The following PCSK5 variants were observed in gnomAD, a reference collection of about 807,000 sequenced individuals.
PCSK5 encodes proprotein convertase subtilisin/kexin type 5.
Under a neutral mutation model 233.2 loss-of-function variants are expected in PCSK5, and 129 were observed. The observed-to-expected ratio is 0.55, with a 90% confidence interval of 0.48 to 0.64. The LOEUF is 0.64. Ranked by LOEUF, PCSK5 falls within the 30% of genes least tolerant of loss-of-function variation. The probability of loss-of-function intolerance (pLI) is 0.00; values close to 1 mark genes in which losing one functional copy is unlikely to be tolerated. For synonymous variants in PCSK5, 825 were observed against 879.2 expected, an observed-to-expected ratio of 0.94 and a Z score of 1.09; for missense variants, 2,076 against 2,430.1, an observed-to-expected ratio of 0.85 and a Z score of 3.06.
At chr9:76,201,018 C>G (rs916038977) in intron 20 of PCSK5, among the ~76,000 whole-genome samples, 2 of 152,228 alleles carry the variant, frequency 1.3e-5, no homozygotes, top group Non-Finnish European at 2.9e-5. Flanking sequence ...TCCCCAGGCA[C>G]TGATGGCTGT....
chr9:76,359,835 A>G lies in PCSK5; in HGVS notation c.*913A>G, dbSNP rs1052755522. On this transcript the variant is annotated 3_prime_UTR_variant, in exon 38 of 38. Coordinates refer to ENST00000674117, the MANE Select transcript of PCSK5 (RefSeq NM_001372043.1). Reference sequence around the variant, plus strand: ...CAGAGCTTTCCTTCATCAACAACCCATCACAAAACCGTGGACTCTCAATAG... The same window carrying G: ...CAGAGCTTTCCTTCATCAACAACCCGTCACAAAACCGTGGACTCTCAATAG... The G allele has an allele frequency of 6.6e-6, 1 of 152,218 alleles. No homozygotes were observed. Among genetic ancestry groups the G allele is most frequent in the Admixed American group, 6.5e-5 (1 of 15,282 alleles). The allele number at this position is 152,218 out of a possible 1,614,324, so 9.4% of individuals were successfully genotyped here. A position where few individuals can be genotyped will look rare whatever the true frequency, so the allele number is the denominator to read the frequency against.
chr9:76,130,222 G>A (rs1189900094), intron 9 of PCSK5, among the ~76,000 whole-genome samples: 1 of 152,094 alleles, frequency 6.6e-6, no homozygotes, highest in Non-Finnish European at 1.5e-5. Context: ...TGAATGCTAT[G>A]GTAAACAAAA....
intron 1 of PCSK5, among the ~76,000 whole-genome samples, chr9:75,922,006 G>T (rs1334193999): frequency 1.3e-5 from 2 of 152,126 alleles, no homozygotes; most frequent in Admixed American, 6.5e-5. Flanking sequence ...ACACCAAGGG[G>T]TTGGCAGAAT....
chr9:76,196,964 G>T (rs1824730403), intron 20 of PCSK5, among the ~76,000 whole-genome samples: 1 of 152,138 alleles, frequency 6.6e-6, no homozygotes, highest in Non-Finnish European at 1.5e-5. Context: ...TTCAGAACAG[G>T]CAGAGATTCC....
chr9:75,933,076 C>T (rs986856150), intron 2 of PCSK5, among the ~76,000 whole-genome samples: 19 of 152,052 alleles, frequency 1.2e-4, no homozygotes, highest in African/African-American at 4.6e-4. Flanking sequence ...TTCCAGACGA[C>T]GTACCCCTGG....
chr9:76,299,569 G>A (rs1000121293), intron 27 of PCSK5, among the ~76,000 whole-genome samples: 7 of 152,156 alleles, frequency 4.6e-5, no homozygotes, highest in Non-Finnish European at 8.8e-5. Flanking sequence ...CTACTCAGGA[G>A]GCTGAGGTGC....
intron 1 of PCSK5, among the ~76,000 whole-genome samples, chr9:75,892,442 G>T (rs1394511474): frequency 6.6e-6 from 1 of 152,224 alleles, no homozygotes; most frequent in Non-Finnish European, 1.5e-5. Flanking sequence ...TGGCCGGAGG[G>T]GCGGGCCCTG....
At position 76,323,217 on chromosome 9, in the gene PCSK5, T is replaced by C. The variant is rs1158484864; in HGVS notation, c.4268T>C (p.Leu1423Pro). 6.2e-7 allele frequency: 1 copy of C among 1,612,798 alleles called. No individual in the cohort carries two copies. Residue 1423 changes from leucine (L) to proline (P), a missense_variant, in exon 32 of 38, where the codon CTC becomes CCC. Coordinates refer to ENST00000674117, the MANE Select transcript of PCSK5 (RefSeq NM_001372043.1). The stretch of plus-strand genomic sequence containing the variant: ...CTCTGTCTTGAGAGTTCCTGGGTCC[T>C]CTATGATGGACTGTGCTTGGAGGAG... ...CELCLESSWV[L>P]YDGLCLEECP...
chr9:76,056,359 C>T lies in PCSK5; in HGVS notation c.633-11596C>T, dbSNP rs75322009. ...TCAAATAAGTTAATGTTTCCATCCA[C>T]ATTAACAGATACGGAAGAAAAAAAG... On this transcript the variant is annotated intron_variant, in intron 5 of 37. Coordinates refer to ENST00000674117, the MANE Select transcript of PCSK5 (RefSeq NM_001372043.1). 4.6e-3 allele frequency among the ~76,000 whole-genome samples: 702 copies of T among 152,156 alleles called. 4 individuals carry two copies. Among genetic ancestry groups the T allele is most frequent in the Non-Finnish European group, 6.2e-3 (419 of 68,026 alleles).
chr9:76,216,873 C>T (rs929814821), intron 20 of PCSK5, among the ~76,000 whole-genome samples: 6 of 152,174 alleles, frequency 3.9e-5, no homozygotes, highest in East Asian at 3.8e-4. Flanking sequence ...GATGGCGTCT[C>T]GCTGTCACCC....
At chr9:75,943,649 C>T (rs1045889371) in intron 2 of PCSK5, among the ~76,000 whole-genome samples, 6 of 152,186 alleles carry the variant, frequency 3.9e-5, no homozygotes, top group Non-Finnish European at 7.3e-5. Flanking sequence ...TTCCTACTGT[C>T]ATTCCTGTAG....
chr9:76,027,478 A>G (rs1828478248), intron 5 of PCSK5, among the ~76,000 whole-genome samples: 1 of 152,152 alleles, frequency 6.6e-6, no homozygotes, highest in South Asian at 2.1e-4. Flanking sequence ...TCTCCTCTGT[A>G]GTTATTGTGT....
rs575418335 is a variant in PCSK5, at chr9:75,912,998, C to G, written c.193-19381C>G. ...TCTTCTTACTTAACCTTTTCTTTCT[C>G]TGATCCTCAGCTCCCTGACTCAGGT... On this transcript the variant is annotated intron_variant, in intron 1 of 37. Coordinates refer to ENST00000674117, the MANE Select transcript of PCSK5 (RefSeq NM_001372043.1). Among the ~76,000 whole-genome samples, 3 of 152,318 alleles carry G rather than the reference C, an allele frequency of 2.0e-5. No individual in the cohort carries two copies. The South Asian group carries it at 6.2e-4, about 32-fold the overall frequency.
At chr9:76,298,429 G>A (rs977995334) in intron 27 of PCSK5, among the ~76,000 whole-genome samples, 1 of 152,160 alleles carries the variant, frequency 6.6e-6, no homozygotes, top group African/African-American at 2.4e-5. Context: ...TCAAGTCAAC[G>A]ACAGAGCTGT....
intron 5 of PCSK5, among the ~76,000 whole-genome samples, chr9:76,064,228 G>A (rs1830168433): frequency 1.8e-5 from 2 of 113,680 alleles, no homozygotes; most frequent in African/African-American, 4.5e-5. Context: ...TGGCCGGGTG[G>A]GGGGCTGACC....
At chr9:76,296,575 A>G in intron 26 of PCSK5, 90 bp from the exon 27 acceptor site, 3 of 752,828 alleles carry the variant, frequency 4.0e-6, no homozygotes, top group Non-Finnish European at 6.8e-6. Context: ...GCAAAGAAAA[A>G]TGTCCCTAAA....
At chr9:75,896,137 ACT>A (rs1825791972) in intron 1 of PCSK5, among the ~76,000 whole-genome samples, 1 of 152,062 alleles carries the variant, frequency 6.6e-6, no homozygotes, top group African/African-American at 2.4e-5. Flanking sequence ...CCTGCTAGCC[ACT>A]CTCATATGCA....
rs188543518 is a variant in PCSK5, at chr9:76,170,463, T to C, written c.1756+623T>C. On this transcript the variant is annotated intron_variant, in intron 13 of 37. Coordinates refer to ENST00000674117, the MANE Select transcript of PCSK5 (RefSeq NM_001372043.1). ...CTATTCCCGTCTTCATGCTAACCTGTAAAGCTTGTTTATAATATAAAATAA... is the reference window on the plus strand; with the variant it reads ...CTATTCCCGTCTTCATGCTAACCTGCAAAGCTTGTTTATAATATAAAATAA... Among the ~76,000 whole-genome samples the C allele has an allele frequency of 3.3e-4, 50 of 152,308 alleles. 1 individual carries two copies. The East Asian group carries it at 8.3e-3, about 25-fold the overall frequency.
intron 1 of PCSK5, among the ~76,000 whole-genome samples, chr9:75,928,596 C>CATATATATATATATATACATAT (rs1823612305): frequency 1.5e-5 from 1 of 68,398 alleles, no homozygotes; most frequent in African/African-American, 4.9e-5. Context: ...CATATAAATA[C>CATATATATATATATATACATAT]ATATATATAT....
Sources: allele counts gnomAD v4.1 joint callset (sites outside exome capture counted in the v4.1 genomes callset), GRCh38; gene constraint gnomAD v4.1.1; transcripts MANE v1.5; gene names NCBI Gene and HGNC (gene_info 2026-07-23, HGNC 2026-07-21).